PDE10A: variants seen among roughly 807,000 people sequenced by gnomAD.
PDE10A encodes the protein cAMP and cAMP-inhibited cGMP 3',5'-cyclic phosphodiesterase 10A.
A neutral mutation model predicts 97.7 loss-of-function variants in PDE10A; 39 were observed. That is an observed-to-expected ratio of 0.40 (90% CI 0.31 to 0.52). PDE10A has a LOEUF of 0.52. PDE10A is among the 20% of genes least tolerant of loss of function. The pLI, the probability that PDE10A is intolerant of heterozygous loss-of-function variation, is 0.56. For missense variants in PDE10A, 731 were observed against 1,047.8 expected, an observed-to-expected ratio of 0.70 and a Z score of 4.17; for synonymous variants, 371 against 376.8, an observed-to-expected ratio of 0.98 and a Z score of 0.18.
At chr6:165,483,894 G>C (rs887860015) in intron 2 of PDE10A, among the ~76,000 whole-genome samples, 3 of 152,186 alleles carry the variant, frequency 2.0e-5, no homozygotes, top group Non-Finnish European at 2.9e-5. Flanking sequence ...TCTCAAACTT[G>C]AGTGTGCATA....
At chr6:165,414,346 G>A (rs779066245) in intron 12 of PDE10A, among the ~76,000 whole-genome samples, 71 of 152,146 alleles carry the variant, frequency 4.7e-4, no homozygotes, top group Non-Finnish European at 6.5e-4. Context: ...CTCCTATTGT[G>A]AGGACATGTT....
At chr6:165,376,598 C>T (rs542633725) in intron 18 of PDE10A, among the ~76,000 whole-genome samples, 1 of 152,270 alleles carries the variant, frequency 6.6e-6, no homozygotes, top group East Asian at 1.9e-4. Context: ...TGACAGACTT[C>T]ACTCTCGTCA....
intron 1 of PDE10A, chr6:165,894,614 A>G (rs1781894210): frequency 2.3e-6 from 1 of 442,180 alleles, no homozygotes; most frequent in Non-Finnish European, 4.6e-6. Context: ...CCCGAGGAAG[A>G]GCACATGAAG....
chr6:165,377,774 G>C (rs1290991259), intron 18 of PDE10A, among the ~76,000 whole-genome samples: 1 of 152,042 alleles, frequency 6.6e-6, no homozygotes, highest in Non-Finnish European at 1.5e-5. Flanking sequence ...ACATGTCTTG[G>C]AACAAGGACT....
At chr6:165,425,770 C>CGTGTGTGTGT (rs57229720) in intron 10 of PDE10A, among the ~76,000 whole-genome samples, 16,409 of 143,952 alleles carry the variant, frequency 0.11, 1,089 homozygotes, top group Middle Eastern at 0.22. Flanking sequence ...AAGGCATGAT[C>CGTGTGTGTGT]GTGTGTGTGT....
chr6:165,504,953 C>A (rs930767072), intron 2 of PDE10A, among the ~76,000 whole-genome samples: 2 of 152,090 alleles, frequency 1.3e-5, no homozygotes, highest in African/African-American at 4.8e-5. Flanking sequence ...GCAGGGCCTG[C>A]GGTTCCCACT....
At chr6:165,962,137 T>C (rs1784380208) in intron 1 of PDE10A, among the ~76,000 whole-genome samples, 1 of 152,242 alleles carries the variant, frequency 6.6e-6, no homozygotes, top group Non-Finnish European at 1.5e-5. Context: ...CCAGTTTATT[T>C]GCCCCCACGG....
At chr6:165,704,477 T>C (rs997006708) in intron 1 of PDE10A, among the ~76,000 whole-genome samples, 3 of 152,148 alleles carry the variant, frequency 2.0e-5, no homozygotes, top group African/African-American at 7.2e-5. Flanking sequence ...ATTTTTTTGG[T>C]ATGGAGGCTC....
At chr6:165,349,630 T>C (rs1306915635) in intron 18 of PDE10A, among the ~76,000 whole-genome samples, 1 of 151,948 alleles carries the variant, frequency 6.6e-6, no homozygotes, top group Non-Finnish European at 1.5e-5. Context: ...ACCAAGACAA[T>C]GGGGATGTCT....
At chr6:165,825,383 G>GT (rs1779709328) in intron 1 of PDE10A, among the ~76,000 whole-genome samples, 1 of 152,056 alleles carries the variant, frequency 6.6e-6, no homozygotes, top group Non-Finnish European at 1.5e-5. Flanking sequence ...TGATCTGAGG[G>GT]CCCCGTTAAG....
At chr6:165,630,757 G>A (rs893906756) in intron 1 of PDE10A, among the ~76,000 whole-genome samples, 2 of 152,082 alleles carry the variant, frequency 1.3e-5, no homozygotes, top group African/African-American at 4.8e-5. Flanking sequence ...GAAAAGTGAA[G>A]TAACCTCACA....
chr6:165,987,354 T>G (rs1364892149), intron 1 of PDE10A, among the ~76,000 whole-genome samples: 4 of 152,058 alleles, frequency 2.6e-5, no homozygotes, highest in African/African-American at 9.7e-5. Context: ...CCCCAAACAG[T>G]CACCTCCACA....
chr6:165,404,373 A>T (rs1258626227), intron 13 of PDE10A, among the ~76,000 whole-genome samples: 1 of 151,856 alleles, frequency 6.6e-6, no homozygotes, highest in Admixed American at 6.6e-5. Flanking sequence ...TGAACTGAGA[A>T]CTCCATAAGC....
chr6:165,683,479 C>T (rs113182667), intron 1 of PDE10A, among the ~76,000 whole-genome samples: 26 of 152,314 alleles, frequency 1.7e-4, no homozygotes, highest in African/African-American at 4.6e-4. Context: ...TTTGCAGTCA[C>T]GTTTCTCTAC....
chr6:165,383,200 C>T (rs1785043622), intron 17 of PDE10A, among the ~76,000 whole-genome samples: 1 of 151,972 alleles, frequency 6.6e-6, no homozygotes, highest in Admixed American at 6.6e-5. Context: ...AATAATCATT[C>T]CTAATTGGTC....
intron 1 of PDE10A, among the ~76,000 whole-genome samples, chr6:165,609,608 C>T (rs1469094042): frequency 1.3e-5 from 2 of 152,130 alleles, no homozygotes; most frequent in Non-Finnish European, 1.5e-5. Context: ...TCTAGAAAAC[C>T]CCACTGTCTC....
intron 1 of PDE10A, among the ~76,000 whole-genome samples, chr6:165,860,880 G>GCC (rs1780883546): frequency 6.6e-6 from 1 of 152,200 alleles, no homozygotes; most frequent in Non-Finnish European, 1.5e-5. Context: ...CATTGCTGCA[G>GCC]GCACATCATG....
intron 1 of PDE10A, among the ~76,000 whole-genome samples, chr6:165,607,308 G>C (rs948393575): frequency 5.3e-5 from 8 of 152,232 alleles, no homozygotes; most frequent in Admixed American, 5.2e-4. Flanking sequence ...AAAGATATAT[G>C]AGATGGTCCC....
At chr6:165,333,206 C>A in intron 21 of PDE10A, 79 bp from the exon 22 acceptor site, 1 of 873,306 alleles carries the variant, frequency 1.1e-6, no homozygotes, top group Admixed American at 1.8e-5. Flanking sequence ...ACCAAACAGT[C>A]CTGTGGCACA....
Sources: allele counts gnomAD v4.1 joint callset (sites outside exome capture counted in the v4.1 genomes callset), GRCh38; gene constraint gnomAD v4.1.1; transcripts MANE v1.5; gene names NCBI Gene and HGNC (gene_info 2026-07-23, HGNC 2026-07-21).